The following SLC24A2 variants were observed in gnomAD, a reference collection of about 807,000 sequenced individuals.
SLC24A2 encodes the protein solute carrier family 24 member 2.
In SLC24A2, 36 loss-of-function variants were observed where a neutral mutation model predicts 62.0. The observed-to-expected ratio is 0.58, with a 90% CI of 0.44 to 0.77. The LOEUF (loss-of-function observed/expected upper bound fraction) is 0.77, where lower values mean the gene tolerates loss of function less well. Ranked by LOEUF, SLC24A2 falls within the 30% of genes least tolerant of loss-of-function variation. The pLI, the probability that SLC24A2 is intolerant of heterozygous loss-of-function variation, is 0.00. For synonymous variants in SLC24A2, 358 were observed against 294.0 expected (o/e 1.22, Z -2.23); for missense variants, 846 against 817.9 (o/e 1.03, Z -0.42).
the SLC24A2 span, among the ~76,000 whole-genome samples, chr9:20,068,760 A>T: frequency 6.6e-6 from 1 of 152,178 alleles, no homozygotes; most frequent in South Asian, 2.1e-4. Flanking sequence ...GGCTGAAAGG[A>T]GGTAGCAATG....
At chr9:20,189,598 C>T in the SLC24A2 span, among the ~76,000 whole-genome samples, 4 of 152,078 alleles carry the variant, frequency 2.6e-5, no homozygotes, top group Admixed American at 2.0e-4. Flanking sequence ...TTGAGCTATC[C>T]CCTTTGAAAG....
At chr9:20,093,645 G>C in the SLC24A2 span, among the ~76,000 whole-genome samples, 2 of 152,074 alleles carry the variant, frequency 1.3e-5, no homozygotes, top group African/African-American at 4.8e-5. Context: ...GAAAACTGTT[G>C]TTTTTCTGTT....
At chr9:19,661,449 A>G (rs887954872) in intron 2 of SLC24A2, among the ~76,000 whole-genome samples, 2 of 152,144 alleles carry the variant, frequency 1.3e-5, no homozygotes, top group African/African-American at 4.8e-5. Context: ...TGGTTAAAGA[A>G]ATGTCAGAAT....
intron 5 of SLC24A2, among the ~76,000 whole-genome samples, chr9:19,588,481 C>T (rs992563007): frequency 2.0e-5 from 3 of 152,192 alleles, no homozygotes; most frequent in South Asian, 4.1e-4. Context: ...TGTAGGAAAT[C>T]GGCCTTGTCA....
chr9:19,956,743 C>A, the SLC24A2 span, among the ~76,000 whole-genome samples: 1 of 152,170 alleles, frequency 6.6e-6, no homozygotes, highest in Non-Finnish European at 1.5e-5. Context: ...AGATTCCTCC[C>A]ATGACACATG....
the SLC24A2 span, among the ~76,000 whole-genome samples, chr9:20,212,688 TTTAC>T: frequency 6.6e-6 from 1 of 151,154 alleles, no homozygotes; most frequent in African/African-American, 2.5e-5. Context: ...GTATGAGTGA[TTTAC>T]TAACTATCTA....
intron 2 of SLC24A2, among the ~76,000 whole-genome samples, chr9:19,699,927 A>G (rs1207223132): frequency 6.6e-6 from 1 of 152,164 alleles, no homozygotes; most frequent in African/African-American, 2.4e-5. Context: ...CGGGTGCACT[A>G]GAGAGGTCCT....
the SLC24A2 span, among the ~76,000 whole-genome samples, chr9:20,301,151 C>A: frequency 6.6e-6 from 1 of 152,202 alleles, no homozygotes; most frequent in Non-Finnish European, 1.5e-5. Context: ...AAGGCACACA[C>A]TTTGCTCTAC....
At chr9:19,585,297 T>A (rs1794208791) in intron 5 of SLC24A2, among the ~76,000 whole-genome samples, 1 of 152,242 alleles carries the variant, frequency 6.6e-6, no homozygotes, top group African/African-American at 2.4e-5. Flanking sequence ...GCCCATTATT[T>A]ATTCAGTTAA....
chr9:19,812,478 C>G, the SLC24A2 span, among the ~76,000 whole-genome samples: 2 of 152,114 alleles, frequency 1.3e-5, no homozygotes, highest in South Asian at 4.1e-4. Context: ...TTCTTACTTT[C>G]AGGTATTATG....
At chr9:19,823,257 G>C in the SLC24A2 span, among the ~76,000 whole-genome samples, 1 of 151,986 alleles carries the variant, frequency 6.6e-6, no homozygotes, top group Non-Finnish European at 1.5e-5. Context: ...ATAGTGCAAA[G>C]AATTTATGAA....
chr9:19,672,172 T>C (rs1460529090), intron 2 of SLC24A2, among the ~76,000 whole-genome samples: 1 of 146,130 alleles, frequency 6.8e-6, no homozygotes, highest in Non-Finnish European at 1.5e-5. Context: ...CTGTGAATCC[T>C]GGACTTTTTT....
At chr9:20,097,739 T>C in the SLC24A2 span, among the ~76,000 whole-genome samples, 1 of 82,818 alleles carries the variant, frequency 1.2e-5, no homozygotes, top group Non-Finnish European at 2.4e-5. Flanking sequence ...TTTTTTTTTT[T>C]TTTTTTTTTT....
chr9:19,519,884 A>G (rs1438546999), intron 10 of SLC24A2, among the ~76,000 whole-genome samples: 1 of 144,268 alleles, frequency 6.9e-6, no homozygotes, highest in Admixed American at 6.7e-5. Context: ...TTATGCACAG[A>G]GAGTGCTACA....
chr9:20,172,070 AC>A, the SLC24A2 span, among the ~76,000 whole-genome samples: 1 of 152,096 alleles, frequency 6.6e-6, no homozygotes, highest in African/African-American at 2.4e-5. Context: ...AGCCTTCAAA[AC>A]CATGCAAATA....
the SLC24A2 span, among the ~76,000 whole-genome samples, chr9:19,835,959 C>G: frequency 1.3e-5 from 2 of 152,178 alleles, no homozygotes; most frequent in Non-Finnish European, 2.9e-5. Flanking sequence ...AACTGAACAA[C>G]CTGCTCCTGA....
the SLC24A2 span, among the ~76,000 whole-genome samples, chr9:20,142,847 T>C: frequency 1.3e-5 from 2 of 152,122 alleles, no homozygotes; most frequent in Admixed American, 1.3e-4. Flanking sequence ...CCACCCACCT[T>C]GGCTTCCCAA....
At chr9:19,948,767 C>T in the SLC24A2 span, among the ~76,000 whole-genome samples, 6 of 145,328 alleles carry the variant, frequency 4.1e-5, no homozygotes, top group Admixed American at 7.0e-5. Flanking sequence ...ATGGCGTGAA[C>T]CCGGAAGGCG....
At chr9:20,243,544 G>A in the SLC24A2 span, among the ~76,000 whole-genome samples, 1 of 152,138 alleles carries the variant, frequency 6.6e-6, no homozygotes, top group South Asian at 2.1e-4. Context: ...TTCAATCTGA[G>A]ATCATTTTAC....
Sources: gnomAD v4.1 joint callset for allele counts (sites outside exome capture counted in the v4.1 genomes callset) on GRCh38, gnomAD v4.1.1 for gene constraint, MANE v1.5 for transcripts, NCBI Gene and HGNC (gene_info 2026-07-23, HGNC 2026-07-21) for gene names.